The following EBF1 variants were observed in gnomAD, a reference collection of about 807,000 sequenced individuals.
EBF1 encodes the protein EBF transcription factor 1.
In EBF1, 10 loss-of-function variants were observed where a neutral mutation model predicts 68.4. That is an observed-to-expected ratio of 0.15 (90% CI 0.09 to 0.25). EBF1 has a LOEUF of 0.25. Ranked by LOEUF, EBF1 falls within the 10% of genes least tolerant of loss-of-function variation. The pLI is 1.00. For synonymous variants in EBF1, 298 were observed against 299.8 expected (o/e 0.99, Z 0.06); for missense variants, 509 against 794.4 (o/e 0.64, Z 4.32).
At chr5:158,744,424 G>A (rs927257539) in intron 10 of EBF1, among the ~76,000 whole-genome samples, 1 of 152,104 alleles carries the variant, frequency 6.6e-6, no homozygotes, top group African/African-American at 2.4e-5. Flanking sequence ...ACCATCTAGT[G>A]CAGTCAAGCA....
chr5:158,816,815 C>T (rs545140171), intron 8 of EBF1, among the ~76,000 whole-genome samples: 32 of 152,164 alleles, frequency 2.1e-4, no homozygotes, highest in African/African-American at 7.0e-4. Flanking sequence ...GGAGAAAGGA[C>T]TCTTAAAATG....
intron 5 of EBF1, among the ~76,000 whole-genome samples, chr5:159,084,326 G>A (rs13362288): frequency 0.067 from 10,204 of 152,114 alleles, 749 homozygotes; most frequent in African/African-American, 0.18. Flanking sequence ...CATTTTACTA[G>A]CAATGCAGTT....
intron 10 of EBF1, among the ~76,000 whole-genome samples, chr5:158,757,496 G>A (rs149077871): frequency 2.2e-4 from 33 of 152,212 alleles, no homozygotes; most frequent in Admixed American, 1.6e-3. Flanking sequence ...TGGTATCTCC[G>A]GTAACTAACA....
At chr5:158,828,190 A>C (rs1172029572) in intron 7 of EBF1, among the ~76,000 whole-genome samples, 2 of 152,244 alleles carry the variant, frequency 1.3e-5, no homozygotes, top group African/African-American at 4.8e-5. Flanking sequence ...CAGCAATAAA[A>C]AGGAACAAAC....
At chr5:158,818,022 T>C (rs1784094081) in intron 8 of EBF1, among the ~76,000 whole-genome samples, 1 of 152,142 alleles carries the variant, frequency 6.6e-6, no homozygotes, top group Non-Finnish European at 1.5e-5. Context: ...CATGTGCCAA[T>C]AGCTTTAGTT....
intron 8 of EBF1, among the ~76,000 whole-genome samples, chr5:158,798,340 A>AC (rs1316964721): frequency 6.6e-6 from 1 of 152,188 alleles, no homozygotes; most frequent in Non-Finnish European, 1.5e-5. Context: ...CCCTGAGATT[A>AC]CCCACACAGA....
intron 6 of EBF1, among the ~76,000 whole-genome samples, chr5:158,844,841 G>A (rs777074128): frequency 8.5e-5 from 13 of 152,120 alleles, no homozygotes; most frequent in African/African-American, 2.4e-4. Flanking sequence ...AGCCCATCAC[G>A]GAACTAACTG....
chr5:158,884,358 G>C (rs796978411), intron 6 of EBF1, among the ~76,000 whole-genome samples: 8 of 152,294 alleles, frequency 5.3e-5, no homozygotes, highest in African/African-American at 1.9e-4. Context: ...TGAGAAATAT[G>C]AATCTAGGGA....
chr5:158,877,877 T>C (rs1393185310), intron 6 of EBF1, among the ~76,000 whole-genome samples: 2 of 151,976 alleles, frequency 1.3e-5, no homozygotes, highest in African/African-American at 4.8e-5. Context: ...CCGGTCGCCA[T>C]ATATTGCTCT....
intron 6 of EBF1, among the ~76,000 whole-genome samples, chr5:158,953,589 G>C (rs1369323411): frequency 1.3e-5 from 2 of 152,222 alleles, no homozygotes; most frequent in Non-Finnish European, 2.9e-5. Flanking sequence ...GAGCAGAAGA[G>C]AGGGAAGGGA....
At chr5:159,061,734 T>G (rs35297613) in intron 6 of EBF1, among the ~76,000 whole-genome samples, 55,668 of 149,406 alleles carry the variant, frequency 0.37, 11,568 homozygotes, top group Non-Finnish European at 0.45. Flanking sequence ...GTTTTGTTTT[T>G]TTTTTTTTTA....
chr5:158,822,904 C>G (rs1316984109), intron 8 of EBF1, among the ~76,000 whole-genome samples: 1 of 152,140 alleles, frequency 6.6e-6, no homozygotes, highest in African/African-American at 2.4e-5. Context: ...ATGGTCCAGG[C>G]CTCCTTCTTT....
chr5:158,958,030 C>T (rs1255701472), intron 6 of EBF1, among the ~76,000 whole-genome samples: 1 of 152,086 alleles, frequency 6.6e-6, no homozygotes, highest in Non-Finnish European at 1.5e-5. Flanking sequence ...CCAATCTTGC[C>T]TCTGTAAAAA....
intron 6 of EBF1, among the ~76,000 whole-genome samples, chr5:159,020,807 C>T (rs1284880729): frequency 6.6e-6 from 1 of 152,140 alleles, no homozygotes; most frequent in Admixed American, 6.5e-5. Flanking sequence ...AGTAGATGCT[C>T]AGAAAATATA....
intron 6 of EBF1, among the ~76,000 whole-genome samples, chr5:158,947,563 A>G (rs1815051601): frequency 6.6e-6 from 1 of 152,206 alleles, no homozygotes; most frequent in Admixed American, 6.5e-5. Context: ...TGGGAATCTC[A>G]GTTGGAAATG....
At chr5:159,069,610 T>C (rs1396595651) in intron 6 of EBF1, among the ~76,000 whole-genome samples, 1 of 152,148 alleles carries the variant, frequency 6.6e-6, no homozygotes, top group Non-Finnish European at 1.5e-5. Flanking sequence ...AGTTCCGACA[T>C]TTATTAAAAA....
At chr5:158,871,397 A>G (rs916435239) in intron 6 of EBF1, among the ~76,000 whole-genome samples, 2 of 152,272 alleles carry the variant, frequency 1.3e-5, no homozygotes, top group African/African-American at 2.4e-5. Context: ...GCTCCCTTGG[A>G]AAAAAATGCC....
chr5:159,061,161 C>T (rs998316054), intron 6 of EBF1, among the ~76,000 whole-genome samples: 20 of 151,928 alleles, frequency 1.3e-4, no homozygotes, highest in Admixed American at 9.8e-4. Context: ...AATCACTCCT[C>T]GCTCGACATT....
intron 6 of EBF1, among the ~76,000 whole-genome samples, chr5:158,880,864 T>C (rs1169107317): frequency 6.6e-6 from 1 of 152,182 alleles, no homozygotes; most frequent in Non-Finnish European, 1.5e-5. Flanking sequence ...AGCACGGACA[T>C]CCCCTGGTCT....
Sources: allele counts gnomAD v4.1 joint callset (sites outside exome capture counted in the v4.1 genomes callset), GRCh38; gene constraint gnomAD v4.1.1; transcripts MANE v1.5; gene names NCBI Gene and HGNC (gene_info 2026-07-23, HGNC 2026-07-21).